Variants in VSTM2B observed in about 807,000 individuals in gnomAD.
VSTM2B encodes the protein V-set and transmembrane domain containing 2B.
A neutral mutation model predicts 24.0 loss-of-function variants in VSTM2B; 24 were observed. That is an observed-to-expected ratio of 1.00 (90% confidence interval 0.72 to 1.40). The LOEUF is 1.40. VSTM2B is among the 40% of genes most tolerant of loss of function. VSTM2B has a pLI of 0.00. For missense variants in VSTM2B, 399 were observed against 416.4 expected, an observed-to-expected ratio of 0.96 and a Z score of 0.36; for synonymous variants, 226 against 194.4, an observed-to-expected ratio of 1.16 and a Z score of -1.35.
Position 29,529,967 on chromosome 19 carries a change from T to C in VSTM2B, c.446T>C (p.Leu149Pro), listed in dbSNP as rs973209969. The C allele has an allele frequency of 3.1e-4, 486 of 1,547,074 alleles. No individual in the cohort carries two copies. Among genetic ancestry groups the C allele is most frequent in the Non-Finnish European group, 4.1e-4 (472 of 1,146,568 alleles). ...EHKAQAMLRV[L>P]SRFAPPNMQA... ...AAGGCCCAGGCGATGCTGCGCGTGCTCTCGCGCTTCGCGCCGCCCAACATG... is the reference window on the plus strand; with the variant it reads ...AAGGCCCAGGCGATGCTGCGCGTGCCCTCGCGCTTCGCGCCGCCCAACATG... The change falls in exon 4 of 5, where the codon CTC (leucine) becomes CCC (proline). Residue 149 changes from leucine to proline, a missense_variant. By Grantham distance (98) the Leu-to-Pro change is moderately conservative. Coordinates refer to ENST00000335523, the MANE Select transcript of VSTM2B (RefSeq NM_001146339.2).
At chr19:29,560,021 A>C (rs1970492097) in intron 4 of VSTM2B, among the ~76,000 whole-genome samples, 1 of 152,136 alleles carries the variant, frequency 6.6e-6, no homozygotes, top group Admixed American at 6.5e-5. Flanking sequence ...GTCTAGAGGG[A>C]TGTCCACTAG....
intron 4 of VSTM2B, among the ~76,000 whole-genome samples, chr19:29,546,753 G>T (rs986000423): frequency 6.6e-6 from 1 of 152,082 alleles, no homozygotes; most frequent in African/African-American, 2.4e-5. Context: ...CAGAGTAAAG[G>T]CCTGTTTGCC....
At chr19:29,528,054 C>G (rs546272520) in intron 2 of VSTM2B, among the ~76,000 whole-genome samples, 2 of 152,344 alleles carry the variant, frequency 1.3e-5, no homozygotes, top group South Asian at 4.1e-4. Context: ...CCAGACACAG[C>G]GGCCCTCCCT....
intron 4 of VSTM2B, among the ~76,000 whole-genome samples, chr19:29,552,919 A>C (rs578072778): frequency 6.6e-6 from 1 of 152,166 alleles, no homozygotes; most frequent in Non-Finnish European, 1.5e-5. Flanking sequence ...CCCTGCAGGA[A>C]TTTCAGCAAC....
At chr19:29,538,648 C>T (rs1015673913) in intron 4 of VSTM2B, among the ~76,000 whole-genome samples, 2 of 152,168 alleles carry the variant, frequency 1.3e-5, no homozygotes, top group Non-Finnish European at 2.9e-5. Context: ...AGCAAGGCAC[C>T]AGCATCTACT....
intron 4 of VSTM2B, among the ~76,000 whole-genome samples, chr19:29,550,082 C>T (rs991624888): frequency 3.3e-5 from 5 of 152,220 alleles, no homozygotes; most frequent in African/African-American, 1.2e-4. Flanking sequence ...GGCCCCTATC[C>T]AGGACCCTCA....
intron 4 of VSTM2B, among the ~76,000 whole-genome samples, chr19:29,561,797 C>T (rs572657415): frequency 1.3e-5 from 2 of 152,272 alleles, no homozygotes; most frequent in South Asian, 4.1e-4. Context: ...TCCATCAGCT[C>T]GTCCATCACA....
chr19:29,557,023 A>T (rs1464658307), intron 4 of VSTM2B, among the ~76,000 whole-genome samples: 1 of 150,144 alleles, frequency 6.7e-6, no homozygotes, highest in African/African-American at 2.4e-5. Context: ...ACAGAATCAT[A>T]AAAAAAACTT....
At chr19:29,542,354 G>A (rs1970041426) in intron 4 of VSTM2B, among the ~76,000 whole-genome samples, 1 of 151,684 alleles carries the variant, frequency 6.6e-6, no homozygotes, top group South Asian at 2.1e-4. Context: ...AGAACGAATG[G>A]GTGGGTAAGA....
chr19:29,542,046 G>A (rs1970032445), intron 4 of VSTM2B, among the ~76,000 whole-genome samples: 1 of 151,454 alleles, frequency 6.6e-6, no homozygotes. Flanking sequence ...GTGAGTGGAT[G>A]GGAGAACGAA....
At chr19:29,538,315 G>T (rs1486760092) in intron 4 of VSTM2B, among the ~76,000 whole-genome samples, 1 of 152,200 alleles carries the variant, frequency 6.6e-6, no homozygotes, top group Non-Finnish European at 1.5e-5. Context: ...TGGTTGGCAG[G>T]ATCCGGGGGG....
rs750884925 is a variant in VSTM2B, at chr19:29,530,085, G to C, written c.564G>C (p.Ala188=). ...SAANANNAGA[A]SRTTSEPGRG... Reference sequence around the variant, plus strand: ...CCAACGCCAACAACGCGGGCGCCGCGAGCCGTACCACCTCCGAGCCCGGCC... The same window carrying C: ...CCAACGCCAACAACGCGGGCGCCGCCAGCCGTACCACCTCCGAGCCCGGCC... Residue 188 remains alanine, a synonymous_variant, in exon 4 of 5, where the codon GCG becomes GCC. Transcript: ENST00000335523. The C allele has an allele frequency of 1.5e-4, 228 of 1,496,656 alleles. No individual in the cohort carries two copies. The highest frequency in any genetic ancestry group is 2.0e-4 in the Non-Finnish European group (221 of 1,131,834). The allele number at this position is 1,496,656 out of a possible 1,614,324, so 92.7% of individuals were successfully genotyped here. A position where few individuals can be genotyped will look rare whatever the true frequency, so the allele number is the denominator to read the frequency against.
chr19:29,531,001 T>TG (rs1364487601), intron 4 of VSTM2B, among the ~76,000 whole-genome samples: 3 of 120,266 alleles, frequency 2.5e-5, no homozygotes, highest in Admixed American at 1.9e-4. Context: ...GGATTGGGGA[T>TG]GGGGGGCGGG....
intron 4 of VSTM2B, among the ~76,000 whole-genome samples, chr19:29,552,953 A>G (rs943188146): frequency 1.3e-5 from 2 of 152,072 alleles, no homozygotes; most frequent in Non-Finnish European, 2.9e-5. Flanking sequence ...ATAGGGACAG[A>G]GCTCTGATCT....
At chr19:29,554,458 C>A (rs2145507484) in intron 4 of VSTM2B, among the ~76,000 whole-genome samples, 1 of 152,306 alleles carries the variant, frequency 6.6e-6, no homozygotes, top group African/African-American at 2.4e-5. Flanking sequence ...CCAGCCACTG[C>A]AAAAACACAC....
At position 29,546,671 on chromosome 19, in the gene VSTM2B, C is replaced by T. The variant is rs1273603687; in HGVS notation, c.769+16381C>T. ...CAGCCTCGCCGTCCCCGCTGGGGAGCCCCCACCCCCACCCCGGTGCTCACT... is the reference window on the plus strand; with the variant it reads ...CAGCCTCGCCGTCCCCGCTGGGGAGTCCCCACCCCCACCCCGGTGCTCACT... On this transcript the variant is annotated intron_variant, in intron 4 of 4. Coordinates refer to ENST00000335523, the MANE Select transcript of VSTM2B (RefSeq NM_001146339.2). 2.2e-5 allele frequency among the ~76,000 whole-genome samples: 3 copies of T among 134,586 alleles called. No homozygotes were observed. The East Asian group carries it at 5.8e-4, about 26-fold the overall frequency. 88.3% of individuals were successfully genotyped at this position (134,586 alleles called of 152,430 possible).
intron 4 of VSTM2B, among the ~76,000 whole-genome samples, chr19:29,558,087 G>GTA (rs1384048648): frequency 2.0e-5 from 3 of 151,698 alleles, no homozygotes; most frequent in Non-Finnish European, 4.4e-5. Context: ...CAACAAACAT[G>GTA]TATATATATG....
At chr19:29,542,781 A>G (rs192536752) in intron 4 of VSTM2B, among the ~76,000 whole-genome samples, 30 of 152,264 alleles carry the variant, frequency 2.0e-4, no homozygotes, top group Admixed American at 1.5e-3. Context: ...GGCTTGCAGG[A>G]TGGGTGGGAT....
intron 4 of VSTM2B, among the ~76,000 whole-genome samples, chr19:29,537,707 C>T (rs1451938287): frequency 7.0e-6 from 1 of 142,816 alleles, no homozygotes; most frequent in African/African-American, 2.9e-5. Flanking sequence ...GCCCCCACAC[C>T]CACCTACTCT....
Sources: gnomAD v4.1 joint callset for allele counts (sites outside exome capture counted in the v4.1 genomes callset) on GRCh38, gnomAD v4.1.1 for gene constraint, MANE v1.5 for transcripts, NCBI Gene and HGNC (gene_info 2026-07-23, HGNC 2026-07-21) for gene names.